The following ASTN2 variants were observed in gnomAD, a reference collection of about 807,000 sequenced individuals.
ASTN2 encodes the protein astrotactin 2.
A neutral mutation model predicts 139.8 loss-of-function variants in ASTN2; 54 were observed. The observed-to-expected ratio is 0.39, with a 90% confidence interval of 0.31 to 0.48. The LOEUF (loss-of-function observed/expected upper bound fraction) is 0.48. Ranked by LOEUF, ASTN2 falls within the 20% of genes least tolerant of loss-of-function variation. ASTN2 has a pLI of 0.95. For synonymous variants in ASTN2, 756 were observed against 719.5 expected, an observed-to-expected ratio of 1.05 and a Z score of -0.81; for missense variants, 1,565 against 1,725.1, an observed-to-expected ratio of 0.91 and a Z score of 1.64.
intron 5 of ASTN2, among the ~76,000 whole-genome samples, chr9:117,050,155 G>A (rs1464540150): frequency 6.6e-6 from 1 of 152,102 alleles, no homozygotes; most frequent in Non-Finnish European, 1.5e-5. Flanking sequence ...ATGAATTGGA[G>A]GGTGGCAAAG....
At chr9:116,787,719 C>G (rs1830411789) in intron 13 of ASTN2, among the ~76,000 whole-genome samples, 1 of 152,132 alleles carries the variant, frequency 6.6e-6, no homozygotes, top group Non-Finnish European at 1.5e-5. Context: ...TGAATAAAGT[C>G]TTTCTTGCCT....
chr9:116,594,179 G>A (rs993760599), intron 19 of ASTN2, among the ~76,000 whole-genome samples: 9 of 152,204 alleles, frequency 5.9e-5, no homozygotes, highest in Non-Finnish European at 8.8e-5. Flanking sequence ...GCCAGCAAGA[G>A]CCTCAATACA....
chr9:116,560,225 T>C (rs1462123396), intron 19 of ASTN2, among the ~76,000 whole-genome samples: 1 of 152,180 alleles, frequency 6.6e-6, no homozygotes, highest in African/African-American at 2.4e-5. Flanking sequence ...ATTCTCCACA[T>C]AACAGCCCAG....
chr9:116,434,259 A>G (rs1366578208), intron 22 of ASTN2, among the ~76,000 whole-genome samples: 1 of 152,246 alleles, frequency 6.6e-6, no homozygotes, highest in Non-Finnish European at 1.5e-5. Context: ...CAAAATATAC[A>G]GAAAAAGGTT....
chr9:116,925,944 A>T (rs62565804), intron 10 of ASTN2, among the ~76,000 whole-genome samples: 30,056 of 152,000 alleles, frequency 0.2, 3,497 homozygotes, highest in Non-Finnish European at 0.25. Flanking sequence ...AAAAACATCC[A>T]GTGTTCCTTC....
At chr9:116,903,203 T>G (rs1228886577) in intron 10 of ASTN2, among the ~76,000 whole-genome samples, 1 of 152,218 alleles carries the variant, frequency 6.6e-6, no homozygotes. Context: ...ATCATCACTC[T>G]TAAGCCCCTG....
chr9:117,140,073 C>G (rs376222151), intron 4 of ASTN2, among the ~76,000 whole-genome samples: 58 of 152,354 alleles, frequency 3.8e-4, no homozygotes, highest in African/African-American at 1.3e-3. Flanking sequence ...GGAATTACCA[C>G]TGTACCTGCT....
intron 19 of ASTN2, among the ~76,000 whole-genome samples, chr9:116,534,046 A>C (rs1195377713): frequency 6.6e-6 from 1 of 152,076 alleles, no homozygotes; most frequent in South Asian, 2.1e-4. Flanking sequence ...AGAGCCTGTT[A>C]TTGGTCTATT....
chr9:116,481,151 G>T (rs1849155479), intron 20 of ASTN2, among the ~76,000 whole-genome samples: 1 of 152,168 alleles, frequency 6.6e-6, no homozygotes, highest in African/African-American at 2.4e-5. Context: ...ACTTTGGGAG[G>T]CTGAGGCAGG....
intron 16 of ASTN2, among the ~76,000 whole-genome samples, chr9:116,669,332 G>C (rs1016808968): frequency 2.6e-5 from 4 of 151,984 alleles, no homozygotes. Context: ...GCTCTACAGA[G>C]CGCAGGACCT....
intron 1 of ASTN2, among the ~76,000 whole-genome samples, chr9:117,347,910 T>C (rs1829274756): frequency 6.6e-6 from 1 of 152,168 alleles, no homozygotes; most frequent in Non-Finnish European, 1.5e-5. Context: ...AAGACTAACA[T>C]GGCATATTAA....
In ASTN2 at chr9:116,960,567, GTTCT is replaced by G. The variant is rs568289919; in HGVS notation, c.1889+14637_1889+14640del. Among the ~76,000 whole-genome samples the G allele has an allele frequency of 2.3e-3, 351 of 151,552 alleles. 3 individuals are homozygous for G. The highest frequency in any genetic ancestry group is 7.7e-3 in the African/African-American group (316 of 41,242). ...GCCTTTTGCTATTGGGGGTTGGATA[GTTCT>G]TTATTTTAGCCCTGGGCATTGTAGG... On this transcript the variant is annotated intron_variant, in intron 10 of 22. Transcript: ENST00000313400.
chr9:116,974,992 T>C (rs1836305409), intron 10 of ASTN2, among the ~76,000 whole-genome samples: 1 of 152,136 alleles, frequency 6.6e-6, no homozygotes, highest in African/African-American at 2.4e-5. Context: ...ATATTTAATA[T>C]AACCAAAAAG....
At position 116,791,039 on chromosome 9, in the gene ASTN2, G is replaced by GAAAGAAAAGA. The variant is rs1554746885; in HGVS notation, c.2396+14583_2396+14592dup. On this transcript the variant is annotated intron_variant, in intron 13 of 22. Transcript: ENST00000313400. ...AGAAAGAAAGAAAGAAAGAAAGAAAGAAAGAAAAGAAAAGAAAGAAAGAAG... is the reference window on the plus strand; with the variant it reads ...AGAAAGAAAGAAAGAAAGAAAGAAAGAAAGAAAAGAAAAGAAAAGAAAAGAAAGAAAGAAG... Among the ~76,000 whole-genome samples, 53 of 82,166 alleles carry GAAAGAAAAGA rather than the reference G, an allele frequency of 6.5e-4. 3 individuals carry two copies. Among genetic ancestry groups the GAAAGAAAAGA allele is most frequent in the East Asian group, 4.1e-3 (6 of 1,450 alleles). The allele number at this position is 82,166 out of a possible 152,430, so 53.9% of individuals were successfully genotyped here.
At chr9:117,032,384 G>A (rs1025773557) in intron 6 of ASTN2, among the ~76,000 whole-genome samples, 1 of 152,112 alleles carries the variant, frequency 6.6e-6, no homozygotes, top group Non-Finnish European at 1.5e-5. Context: ...AAGCCATATT[G>A]TACAGAACTT....
intron 13 of ASTN2, among the ~76,000 whole-genome samples, chr9:116,759,557 T>C (rs1829622449): frequency 6.6e-6 from 1 of 152,076 alleles, no homozygotes; most frequent in African/African-American, 2.4e-5. Context: ...AAATATAACA[T>C]TCCCTCTGTC....
chr9:117,168,455 A>G (rs1830717587), intron 3 of ASTN2, among the ~76,000 whole-genome samples: 1 of 152,140 alleles, frequency 6.6e-6, no homozygotes, highest in Non-Finnish European at 1.5e-5. Context: ...TGAGATCCTA[A>G]TGAAAGCCAG....
At chr9:116,794,871 A>C (rs1830650562) in intron 13 of ASTN2, among the ~76,000 whole-genome samples, 1 of 152,262 alleles carries the variant, frequency 6.6e-6, no homozygotes, top group African/African-American at 2.4e-5. Flanking sequence ...TGTGCAGTCC[A>C]GCAAGGCTTG....
intron 3 of ASTN2, among the ~76,000 whole-genome samples, chr9:117,162,092 G>A (rs1830566480): frequency 6.6e-6 from 1 of 151,938 alleles, no homozygotes; most frequent in South Asian, 2.1e-4. Flanking sequence ...ATGAGTTGGA[G>A]GTAGATCACC....
Sources: gnomAD v4.1 joint callset for allele counts (sites outside exome capture counted in the v4.1 genomes callset) on GRCh38, gnomAD v4.1.1 for gene constraint, MANE v1.5 for transcripts, NCBI Gene and HGNC (gene_info 2026-07-23, HGNC 2026-07-21) for gene names.